The following CTNNA3 variants were observed in gnomAD, a reference collection of about 807,000 sequenced individuals.
CTNNA3 encodes the protein catenin alpha 3, also known as catenin alpha-3.
Under a neutral mutation model 95.7 loss-of-function variants are expected in CTNNA3, and 76 were observed. That is an observed-to-expected ratio of 0.79 (90% CI 0.66 to 0.96). The LOEUF is 0.96. Ranked by LOEUF, CTNNA3 falls within the 40% of genes least tolerant of loss-of-function variation. CTNNA3 has a pLI of 0.00. For missense variants in CTNNA3, 1,191 were observed against 1,089.8 expected (o/e 1.09, Z -1.31); for synonymous variants, 431 against 374.4 (o/e 1.15, Z -1.74).
chr10:67,360,911 C>T (rs551829361), intron 5 of CTNNA3, among the ~76,000 whole-genome samples: 1 of 151,804 alleles, frequency 6.6e-6, no homozygotes, highest in East Asian at 1.9e-4. Context: ...GATAGGAACA[C>T]ATATCCAAAC....
chr10:66,389,207 CA>C (rs1253256668), intron 11 of CTNNA3, among the ~76,000 whole-genome samples: 1 of 149,994 alleles, frequency 6.7e-6, no homozygotes, highest in Non-Finnish European at 1.5e-5. Context: ...GTTCTCTCCT[CA>C]AAAATTTTTT....
At chr10:66,105,679 T>G (rs1264498059) in intron 13 of CTNNA3, among the ~76,000 whole-genome samples, 1 of 152,240 alleles carries the variant, frequency 6.6e-6, no homozygotes, top group African/African-American at 2.4e-5. Flanking sequence ...TTTTTCTTTG[T>G]GTTTAACACA....
intron 7 of CTNNA3, among the ~76,000 whole-genome samples, chr10:66,931,379 G>C (rs142889852): frequency 2.3e-3 from 354 of 152,224 alleles, no homozygotes; most frequent in African/African-American, 8.0e-3. Context: ...CAGTGCCACA[G>C]TCTTGTAAGC....
At chr10:66,580,321 G>C (rs1236911653) in intron 10 of CTNNA3, among the ~76,000 whole-genome samples, 1 of 151,246 alleles carries the variant, frequency 6.6e-6, no homozygotes, top group Admixed American at 6.6e-5. Flanking sequence ...CATATTAATG[G>C]GGTACATGTG....
intron 13 of CTNNA3, among the ~76,000 whole-genome samples, chr10:66,126,091 T>C (rs138045629): frequency 6.6e-6 from 1 of 152,292 alleles, no homozygotes; most frequent in African/African-American, 2.4e-5. Flanking sequence ...ATAATCTCAC[T>C]GTATGGGGTA....
intron 7 of CTNNA3, among the ~76,000 whole-genome samples, chr10:66,928,665 C>G (rs1459209819): frequency 6.6e-6 from 1 of 152,082 alleles, no homozygotes; most frequent in East Asian, 1.9e-4. Context: ...AATTTAAATA[C>G]CACAATCAAT....
At chr10:67,258,101 A>C (rs1189306645) in intron 5 of CTNNA3, among the ~76,000 whole-genome samples, 1 of 152,036 alleles carries the variant, frequency 6.6e-6, no homozygotes, top group East Asian at 1.9e-4. Context: ...CCTCTTCAAA[A>C]ATCTGCATTT....
intron 9 of CTNNA3, among the ~76,000 whole-genome samples, chr10:66,623,432 C>T (rs1041975452): frequency 6.8e-6 from 1 of 147,678 alleles, no homozygotes; most frequent in Non-Finnish European, 1.5e-5. Flanking sequence ...TGAAAGTATA[C>T]ATTCTTCTTC....
chr10:66,684,208 G>T (rs1198703915), intron 9 of CTNNA3, among the ~76,000 whole-genome samples: 1 of 152,142 alleles, frequency 6.6e-6, no homozygotes, highest in Non-Finnish European at 1.5e-5. Flanking sequence ...CACAGGGGAA[G>T]TGTGGTGCTA....
intron 15 of CTNNA3, among the ~76,000 whole-genome samples, chr10:66,037,751 C>T (rs2079596981): frequency 6.6e-6 from 1 of 152,168 alleles, no homozygotes; most frequent in African/African-American, 2.4e-5. Context: ...AAAATAAATG[C>T]CGTTCAGGAA....
At chr10:67,706,318 C>T (rs1416683267) in intron 1 of CTNNA3, among the ~76,000 whole-genome samples, 2 of 151,190 alleles carry the variant, frequency 1.3e-5, no homozygotes, top group Admixed American at 6.6e-5. Context: ...CAGGGATTGT[C>T]TGGTGAAGAG....
At chr10:66,370,880 T>A (rs1412351483) in intron 12 of CTNNA3, among the ~76,000 whole-genome samples, 2 of 152,022 alleles carry the variant, frequency 1.3e-5, no homozygotes, top group African/African-American at 4.8e-5. Context: ...TGGCTAACAT[T>A]TTTTAATTAC....
intron 7 of CTNNA3, among the ~76,000 whole-genome samples, chr10:66,966,650 C>T (rs1465967781): frequency 6.6e-6 from 1 of 151,974 alleles, no homozygotes; most frequent in East Asian, 1.9e-4. Context: ...GCAGTGGCTA[C>T]ATTTAACCAA....
rs74142668 is a variant in CTNNA3, at chr10:66,100,772, G to A, written c.1977+2385C>T. 2.9e-3 allele frequency among the ~76,000 whole-genome samples: 440 copies of A among 152,284 alleles called. 3 individuals carry two copies. Among genetic ancestry groups the A allele is most frequent in the African/African-American group, 0.01 (418 of 41,546 alleles). Reference sequence around the variant, plus strand: ...AAGAACAAAAATACAAATGAAAATAGTAGTAATAAGAAGTTTACCATCGTA... The same window carrying A: ...AAGAACAAAAATACAAATGAAAATAATAGTAATAAGAAGTTTACCATCGTA... On this transcript the variant is annotated intron_variant, in intron 14 of 17. Transcript: ENST00000433211.
rs143032937 is a variant in CTNNA3 at position 67,752,857 on chromosome 10, G to A, written c.-2+10577C>T. 8.6e-3 allele frequency among the ~76,000 whole-genome samples: 1,303 copies of A among 152,214 alleles called. 24 individuals carry two copies. The highest frequency in any genetic ancestry group is 0.029 in the African/African-American group (1,213 of 41,542). ...AAATGGAAAAACATTCCATGGTCAT[G>A]GATAGGGAGAATCAATATCGTGAAA... is the stretch of plus-strand genomic sequence containing the variant. On this transcript the variant is annotated intron_variant, in intron 1 of 17. Coordinates refer to the CTNNA3 transcript ENST00000684154.
At chr10:66,016,232 C>G (rs1025552921) in intron 15 of CTNNA3, among the ~76,000 whole-genome samples, 1 of 152,128 alleles carries the variant, frequency 6.6e-6, no homozygotes, top group African/African-American at 2.4e-5. Context: ...TTTATGTAAC[C>G]AGCCAGAAGG....
intron 9 of CTNNA3, among the ~76,000 whole-genome samples, chr10:66,644,528 G>C (rs1845638571): frequency 6.7e-6 from 1 of 148,952 alleles, no homozygotes; most frequent in Admixed American, 6.7e-5. Flanking sequence ...GTAAATGTCT[G>C]AAATAAATTT....
intron 3 of CTNNA3, among the ~76,000 whole-genome samples, chr10:67,590,582 T>C (rs1008034308): frequency 5.3e-5 from 8 of 152,136 alleles, no homozygotes; most frequent in African/African-American, 1.2e-4. Context: ...GACTTTTTAA[T>C]TTTTGCCAGT....
At chr10:66,487,424 A>C (rs1589320096) in intron 11 of CTNNA3, among the ~76,000 whole-genome samples, 1 of 151,472 alleles carries the variant, frequency 6.6e-6, no homozygotes, top group African/African-American at 2.4e-5. Context: ...GATGGTCTCG[A>C]TCTCCTGACC....
Sources: allele counts gnomAD v4.1 joint callset (sites outside exome capture counted in the v4.1 genomes callset), GRCh38; gene constraint gnomAD v4.1.1; transcripts MANE v1.5; gene names NCBI Gene and HGNC (gene_info 2026-07-23, HGNC 2026-07-21).